ASIC1: variants seen among roughly 807,000 people sequenced by gnomAD.
ASIC1 encodes the protein acid sensing ion channel subunit 1.
In ASIC1, 21 loss-of-function variants were observed where a neutral mutation model predicts 63.4. The observed-to-expected ratio is 0.33, with a 90% CI of 0.23 to 0.48. The LOEUF is 0.48. Ranked by LOEUF, ASIC1 falls within the 20% of genes least tolerant of loss-of-function variation. ASIC1 has a pLI of 0.99. For missense variants in ASIC1, 478 were observed against 695.5 expected (o/e 0.69, Z 3.52); for synonymous variants, 258 against 278.2 (o/e 0.93, Z 0.72).
chr12:50,058,777 A>T lies in ASIC1; in HGVS notation c.11A>T (p.Lys4Met). 6.3e-7 allele frequency: 1 copy of T among 1,581,794 alleles called. No homozygotes were observed. The highest frequency in any genetic ancestry group is 8.6e-7 in the Non-Finnish European group (1 of 1,160,786). MEL[K>M]AEEEEVGGVQ... ...ATCCCCTCAACAAGGATGGAACTGA[A>T]GGCCGAGGAGGAGGAGGTGGGTGGC... The change falls in exon 2 of 12, where the codon AAG (lysine) becomes ATG (methionine). Residue 4 changes from lysine (K) to methionine (M), a missense_variant. Lys to Met is a moderately conservative substitution (Grantham distance 95). Transcript: ENST00000447966.
chr12:50,080,302 C>A, intron 8 of ASIC1, 196 bp from the exon 9 acceptor site: 1 of 750,110 alleles, frequency 1.3e-6, no homozygotes, highest in Non-Finnish European at 2.2e-6. Context: ...ATACTTGATG[C>A]ATACTGCATA....
Position 50,068,835 on chromosome 12 carries a change from C to G in ASIC1, c.559-8378C>G, listed in dbSNP as rs189401334. 1.2e-4 allele frequency among the ~76,000 whole-genome samples: 18 copies of G among 152,130 alleles called. No homozygotes were observed. In the East Asian group the frequency reaches 2.7e-3, roughly 23 times the overall value. ...ATTTTGCCTCATAAACATCTCCACTCTACCCCCTGTTCCGGCCCATCCCAC... is the reference window on the plus strand; with the variant it reads ...ATTTTGCCTCATAAACATCTCCACTGTACCCCCTGTTCCGGCCCATCCCAC... On this transcript the variant is annotated intron_variant, in intron 3 of 11. Coordinates refer to ENST00000447966, the MANE Select transcript of ASIC1 (RefSeq NM_001095.4).
At position 50,078,838 on chromosome 12, in the gene ASIC1, C is replaced by T. The variant is rs2272392; in HGVS notation, c.995-86C>T. Reference sequence around the variant, plus strand: ...GTCCTCCCTTCCCATCTTCTCCCAGCTTACACCTTCTAGGCCTTTGGTACT... The same window carrying T: ...GTCCTCCCTTCCCATCTTCTCCCAGTTTACACCTTCTAGGCCTTTGGTACT... On this transcript the variant is annotated intron_variant, in intron 6 of 11. Transcript: ENST00000447966. The surrounding 1 kb of genome is among the most constrained non-coding windows in gnomAD (Gnocchi z 6.0). 2 of 1,493,126 alleles carry T rather than the reference C, an allele frequency of 1.3e-6. No individual in the cohort carries two copies. Among genetic ancestry groups the T allele is most frequent in the East Asian group, 2.3e-5 (1 of 44,324 alleles). The allele number at this position is 1,493,126 out of a possible 1,614,324, so 92.5% of individuals were successfully genotyped here.
At chr12:50,066,516 G>T (rs1030064160) in intron 3 of ASIC1, among the ~76,000 whole-genome samples, 2 of 152,140 alleles carry the variant, frequency 1.3e-5, no homozygotes, top group African/African-American at 4.8e-5. Flanking sequence ...TGCATCATCA[G>T]GCCAAGTGCC....
In ASIC1 at chr12:50,058,941, T is replaced by C; in HGVS notation, c.175T>C (p.Cys59Arg). 1 of 1,614,136 alleles carries C rather than the reference T, an allele frequency of 6.2e-7. No individual in the cohort carries two copies. The highest frequency in any genetic ancestry group is 8.5e-7 in the Non-Finnish European group (1 of 1,179,986). ...CCTGGGCTCCCTGGCTGTGCTGCTGTGTGTGTGCACGGAGCGTGTGCAGTA... is the reference window on the plus strand; with the variant it reads ...CCTGGGCTCCCTGGCTGTGCTGCTGCGTGTGTGCACGGAGCGTGTGCAGTA... ...CFLGSLAVLL[C>R]VCTERVQYYF... Residue 59 changes from cysteine (C) to arginine (R), a missense_variant, in exon 2 of 12, where the codon TGT becomes CGT. Coordinates refer to ENST00000447966, the MANE Select transcript of ASIC1 (RefSeq NM_001095.4).
chr12:50,073,899 C>A, intron 3 of ASIC1: 2 of 1,534,626 alleles, frequency 1.3e-6, no homozygotes, highest in South Asian at 2.4e-5. Context: ...CCTTCCTGTG[C>A]CAGGTAGGGG....
At position 50,074,058 on chromosome 12, in the gene ASIC1, C is replaced by T. The variant is rs1490712380; in HGVS notation, c.559-3155C>T. 1.3e-6 allele frequency: 2 copies of T among 1,534,572 alleles called. No homozygotes were observed. The highest frequency in any genetic ancestry group is 1.2e-5 in the South Asian group (1 of 83,902). ...GCTACCCTGACTTGCTTTATTTGGC[C>T]CCCATGCTGGGACTGGATGAAAGTG... On this transcript the variant is annotated intron_variant, in intron 3 of 11. Transcript: ENST00000447966. This position sits in a 1 kb window ranked among gnomAD's most constrained non-coding sequence, Gnocchi z 4.2.
At chr12:50,066,752 C>T (rs1232259027) in intron 3 of ASIC1, among the ~76,000 whole-genome samples, 1 of 152,202 alleles carries the variant, frequency 6.6e-6, no homozygotes, top group African/African-American at 2.4e-5. Flanking sequence ...GTCACCCTTC[C>T]TAGCTCCTCT....
In ASIC1 at chr12:50,078,961, G is replaced by A. The variant is rs2137846677; in HGVS notation, c.1032G>A (p.Glu344=). 1.2e-6 allele frequency: 2 copies of A among 1,613,942 alleles called. No individual in the cohort carries two copies. Among genetic ancestry groups the A allele is most frequent in the East Asian group, 2.2e-5 (1 of 44,852 alleles). The change falls in exon 7 of 12, where the codon GAG becomes GAA. Residue 344 remains glutamate, a synonymous_variant. Coordinates refer to ENST00000447966, the MANE Select transcript of ASIC1 (RefSeq NM_001095.4). This position sits in a 1 kb window ranked among gnomAD's most constrained non-coding sequence, Gnocchi z 6.0. ...ACTGTACTCCAGAGCAGTACAAGGA[G>A]TGTGCAGATCCTGCTCTGGGTGAGC... ...APYCTPEQYK[E]CADPALDFLV... is the part of the protein sequence containing the mutation.
At position 50,058,997 on chromosome 12, in the gene ASIC1, C is replaced by G. The variant is rs143760934; in HGVS notation, c.231C>G (p.Leu77=). The G allele has an allele frequency of 3.1e-4, 496 of 1,614,198 alleles. 2 individuals carry two copies. In the African/African-American group the frequency reaches 6.0e-3, roughly 20 times the overall value. ...YYFHYHHVTK[L]DEVAASQLTF... is the part of the protein sequence containing the mutation. ...TCCACTACCACCATGTCACCAAGCT[C>G]GACGAGGTGGCTGCCTCTCAGCTTA... The change falls in exon 2 of 12, where the codon CTC becomes CTG. Residue 77 remains leucine, a synonymous_variant. Transcript: ENST00000447966.
At chr12:50,075,684 A>G (rs78362716) in intron 3 of ASIC1, among the ~76,000 whole-genome samples, 18,964 of 152,176 alleles carry the variant, frequency 0.12, 1,546 homozygotes, top group Non-Finnish European at 0.19. Flanking sequence ...CTAGTAACCT[A>G]CTGCCATTGC....
At chr12:50,076,178 T>G (rs902261204) in intron 3 of ASIC1, among the ~76,000 whole-genome samples, 3 of 152,112 alleles carry the variant, frequency 2.0e-5, no homozygotes, top group Non-Finnish European at 2.9e-5. Flanking sequence ...ACCAAAAAAC[T>G]GAGTTTGGCT....
Position 50,077,318 on chromosome 12 carries a change from C to T in ASIC1, c.664C>T (p.Leu222=). ...GACGGGCAATGGGCTGGAAATCATG[C>T]TGGACATCCAGCAGGACGAGTACCT... ...GGTGNGLEIM[L]DIQQDEYLPV... The change falls in exon 4 of 12, where the codon CTG becomes TTG. Residue 222 remains leucine, a synonymous_variant. Coordinates refer to ENST00000447966, the MANE Select transcript of ASIC1 (RefSeq NM_001095.4). 2 of 1,614,202 alleles carry T rather than the reference C, an allele frequency of 1.2e-6. No individual in the cohort carries two copies. Among genetic ancestry groups the T allele is most frequent in the South Asian group, 2.2e-5 (2 of 91,090 alleles).
chr12:50,070,078 A>C (rs1426186791), intron 3 of ASIC1, among the ~76,000 whole-genome samples: 1 of 152,186 alleles, frequency 6.6e-6, no homozygotes, highest in Non-Finnish European at 1.5e-5. Flanking sequence ...GAATGAAGAA[A>C]GGGATATAGA....
At position 50,059,090 on chromosome 12, in the gene ASIC1, G is replaced by A. The variant is rs1052153922; in HGVS notation, c.324G>A (p.Leu108=). Residue 108 remains leucine (L), a synonymous_variant, in exon 2 of 12, where the codon CTG becomes CTA. Transcript: ENST00000447966. The surrounding 1 kb of genome is among the most constrained non-coding windows in gnomAD (Gnocchi z 4.6). ...FRFSQVSKND[L]YHAGELLALL... ...TTAGCCAAGTCTCCAAGAATGACCT[G>A]TATCATGCTGGGGAGCTGCTGGCCC... The A allele has an allele frequency of 6.2e-7, 1 of 1,614,060 alleles. No homozygotes were observed. The highest frequency in any genetic ancestry group is 8.5e-7 in the Non-Finnish European group (1 of 1,180,010).
intron 3 of ASIC1, 126 bp downstream of exon 3, chr12:50,060,080 G>A (rs79254196): frequency 0.039 from 44,541 of 1,150,518 alleles, 1,095 homozygotes; most frequent in Non-Finnish European, 0.048. Context: ...CCTGGGGTTT[G>A]CTTCTAGTAG....
intron 3 of ASIC1, among the ~76,000 whole-genome samples, chr12:50,073,145 T>A (rs1162559711): frequency 6.6e-6 from 1 of 152,018 alleles, no homozygotes; most frequent in East Asian, 1.9e-4. Context: ...GTCGCTGTGA[T>A]CATCATGGCA....
chr12:50,072,430 G>C (rs1029792535), intron 3 of ASIC1, among the ~76,000 whole-genome samples: 31 of 152,286 alleles, frequency 2.0e-4, no homozygotes, highest in African/African-American at 7.5e-4. Context: ...ACACAGAGGG[G>C]CCAGGGGCCT....
chr12:50,058,265 C>G (rs752504271), intron 1 of ASIC1, among the ~76,000 whole-genome samples: 7 of 152,200 alleles, frequency 4.6e-5, no homozygotes, highest in African/African-American at 7.2e-5. Context: ...TAGCCACCTC[C>G]CTGGGGGTTT....
Sources: allele counts gnomAD v4.1 joint callset (sites outside exome capture counted in the v4.1 genomes callset), GRCh38; gene constraint gnomAD v4.1.1; non-coding constraint Gnocchi (gnomAD v3.1); transcripts MANE v1.5; gene names NCBI Gene and HGNC (gene_info 2026-07-23, HGNC 2026-07-21).